The following DYNC2I1 variants were observed in gnomAD, a reference collection of about 807,000 sequenced individuals.
DYNC2I1 encodes the protein dynein 2 intermediate chain 1, also known as cytoplasmic dynein 2 intermediate chain 1.
In DYNC2I1, 89 loss-of-function variants were observed where a neutral mutation model predicts 133.4. The observed-to-expected ratio is 0.67, with a 90% confidence interval of 0.56 to 0.80. DYNC2I1 has a LOEUF of 0.80. Among genes scored for constraint, DYNC2I1 ranks in the 30% least tolerant of loss-of-function variants. The pLI is 0.00. For missense variants in DYNC2I1, 1,291 were observed against 1,314.5 expected, an observed-to-expected ratio of 0.98 and a Z score of 0.28; for synonymous variants, 504 against 484.3, an observed-to-expected ratio of 1.04 and a Z score of -0.54.
At position 158,922,520 on chromosome 7, in the gene DYNC2I1, C is replaced by T. The variant is rs778835574; in HGVS notation, c.2065C>T (p.Pro689Ser). The T allele has an allele frequency of 4.3e-6, 7 of 1,613,862 alleles. No homozygotes were observed. The highest frequency in any genetic ancestry group is 2.2e-5 in the East Asian group (1 of 44,878). The change falls in exon 16 of 25, where the codon CCA becomes TCA. Residue 689 changes from proline to serine, a missense_variant. Coordinates refer to ENST00000407559, the MANE Select transcript of DYNC2I1 (RefSeq NM_018051.5). ...GTGGGATATTTGGCAGCCTTCAGGG[C>T]CACAGAAAGTTCTGATATGTGAGTC... ...CVWDIWQPSGPQKVLICESQV... is the reference protein window; with the variant it reads ...CVWDIWQPSGSQKVLICESQV...
At chr7:158,840,328 G>A in the DYNC2I1 span, among the ~76,000 whole-genome samples, 81 of 152,338 alleles carry the variant, frequency 5.3e-4, no homozygotes, top group Non-Finnish European at 1.0e-3. Context: ...CACTTTGGGA[G>A]GCCAAGGCAG....
At chr7:158,843,383 C>A in the DYNC2I1 span, among the ~76,000 whole-genome samples, 1 of 152,212 alleles carries the variant, frequency 6.6e-6, no homozygotes, top group Non-Finnish European at 1.5e-5. Flanking sequence ...GCCTCAGCCA[C>A]CTGAGTAGCA....
chr7:158,947,240 A>G (rs1482494346), downstream of DYNC2I1, among the ~76,000 whole-genome samples: 1 of 152,106 alleles, frequency 6.6e-6, no homozygotes, highest in Non-Finnish European at 1.5e-5. Flanking sequence ...CGCGGAACCC[A>G]GGTTCACAGT....
chr7:158,852,439 G>T (rs1224439762), upstream of DYNC2I1, among the ~76,000 whole-genome samples: 1 of 151,662 alleles, frequency 6.6e-6, no homozygotes, highest in South Asian at 2.1e-4. Flanking sequence ...TGGTTTTGAG[G>T]GAGAGAATTA....
intron 23 of DYNC2I1, among the ~76,000 whole-genome samples, chr7:158,934,835 G>A (rs1164992836): frequency 6.6e-6 from 1 of 152,154 alleles, no homozygotes; most frequent in Non-Finnish European, 1.5e-5. Flanking sequence ...CTCTTTGCCT[G>A]TTTGGGCAGC....
intron 11 of DYNC2I1, among the ~76,000 whole-genome samples, chr7:158,910,944 T>C (rs1585123737): frequency 7.4e-6 from 1 of 135,166 alleles, no homozygotes; most frequent in African/African-American, 2.9e-5. Flanking sequence ...TGTGTCAGGC[T>C]TGTGGGCCAA....
At chr7:158,896,551 A>G (rs1198619601) in intron 8 of DYNC2I1, among the ~76,000 whole-genome samples, 1 of 152,104 alleles carries the variant, frequency 6.6e-6, no homozygotes, top group Non-Finnish European at 1.5e-5. Context: ...GGCTCATTGT[A>G]GCCTCAACCT....
At chr7:158,914,496 C>A (rs1479063368) in intron 14 of DYNC2I1, among the ~76,000 whole-genome samples, 175 bp downstream of exon 14, 4 of 152,118 alleles carry the variant, frequency 2.6e-5, no homozygotes, top group African/African-American at 9.7e-5. Flanking sequence ...ATTCATTAAG[C>A]CCTTGTGGGC....
intron 1 of DYNC2I1, among the ~76,000 whole-genome samples, chr7:158,858,427 G>A (rs1398194674): frequency 6.6e-6 from 1 of 151,990 alleles, no homozygotes; most frequent in Non-Finnish European, 1.5e-5. Context: ...GGGTCAAAGG[G>A]GTCATCTTTT....
chr7:158,927,647 G>A (rs570595432), intron 20 of DYNC2I1, among the ~76,000 whole-genome samples: 3 of 151,882 alleles, frequency 2.0e-5, no homozygotes, highest in Non-Finnish European at 4.4e-5. Flanking sequence ...TGCCTCCTGG[G>A]TTCAAGCAAT....
At position 158,876,736 on chromosome 7, in the gene DYNC2I1, A is replaced by G; in HGVS notation, c.573+45A>G. 2.0e-6 allele frequency: 3 copies of G among 1,508,130 alleles called. No individual in the cohort carries two copies. The South Asian group carries it at 4.0e-5, about 20-fold the overall frequency. 93.4% of individuals were successfully genotyped at this position (1,508,130 alleles called of 1,614,324 possible). ...GGGAAAAGTTTTCCAAATGTTGCCA[A>G]GTAAAGGATGTTTTAAGCATTATTG... is the stretch of plus-strand genomic sequence containing the variant. On this transcript the variant is annotated intron_variant, in intron 4 of 24. Transcript: ENST00000407559.
intron 16 of DYNC2I1, among the ~76,000 whole-genome samples, 168 bp downstream of exon 16, chr7:158,922,717 G>A (rs1003745387): frequency 5.3e-5 from 8 of 152,188 alleles, no homozygotes; most frequent in Non-Finnish European, 1.2e-4. Flanking sequence ...TGCTGTGGGT[G>A]CAGCGAGACA....
intron 14 of DYNC2I1, among the ~76,000 whole-genome samples, chr7:158,917,747 C>T (rs552655765): frequency 4.6e-5 from 7 of 152,304 alleles, no homozygotes; most frequent in Admixed American, 6.5e-5. Flanking sequence ...CTAAACACTC[C>T]TTTTCTTGCC....
chr7:158,856,981 T>G (rs1841315165), intron 1 of DYNC2I1, among the ~76,000 whole-genome samples: 1 of 151,872 alleles, frequency 6.6e-6, no homozygotes, highest in African/African-American at 2.4e-5. Context: ...GGAGAGGCGG[T>G]CTGTGCAGCC....
At chr7:158,908,037 AAATTT>A in intron 11 of DYNC2I1, among the ~76,000 whole-genome samples, 1 of 152,314 alleles carries the variant, frequency 6.6e-6, no homozygotes, top group Non-Finnish European at 1.5e-5. Context: ...TTTAAAAGAA[AAATTT>A]AAGAAATGAA....
At chr7:158,949,849 G>A (rs1037898605), downstream of DYNC2I1, among the ~76,000 whole-genome samples, 1 of 150,636 alleles carries the variant, frequency 6.6e-6, no homozygotes, top group African/African-American at 2.4e-5. Context: ...TCGCCTCACC[G>A]CAACCTCCGC....
At position 158,902,602 on chromosome 7, in the gene DYNC2I1, A is replaced by T; in HGVS notation, c.1357+7A>T. 6.2e-7 allele frequency: 1 copy of T among 1,612,524 alleles called. No individual in the cohort carries two copies. The highest frequency in any genetic ancestry group is 1.3e-5 in the African/African-American group (1 of 74,882). ...GAAAAGGAGCCCAGGACAGGTAAAC[A>T]AATCAATGCTACTAATGGTGTCCGT... On this transcript the variant is annotated splice_region_variant and intron_variant, in intron 10 of 24. Coordinates refer to ENST00000407559, the MANE Select transcript of DYNC2I1 (RefSeq NM_018051.5).
intron 10 of DYNC2I1, chr7:158,905,381 TC>T (rs1180321380): frequency 4.1e-6 from 1 of 245,608 alleles, no homozygotes; most frequent in Non-Finnish European, 8.1e-6. Context: ...CCTCAAGTGA[TC>T]CGCCTGCCTC....
chr7:158,914,784 C>T (rs1031581766), intron 14 of DYNC2I1, among the ~76,000 whole-genome samples: 1 of 152,182 alleles, frequency 6.6e-6, no homozygotes, highest in East Asian at 1.9e-4. Flanking sequence ...CTGTGGGTCT[C>T]GTCTGACCCC....
Sources: gnomAD v4.1 joint callset for allele counts (sites outside exome capture counted in the v4.1 genomes callset) on GRCh38, gnomAD v4.1.1 for gene constraint, MANE v1.5 for transcripts, NCBI Gene and HGNC (gene_info 2026-07-23, HGNC 2026-07-21) for gene names.